Variants in PCDH9 observed in about 807,000 individuals in gnomAD.
The protein encoded by PCDH9 is protocadherin 9, also known as protocadherin-9.
In PCDH9, 24 loss-of-function variants were observed where a neutral mutation model predicts 70.6. The ratio of observed to expected loss-of-function variants is 0.34; its 90% confidence interval spans 0.25 to 0.48. The LOEUF (loss-of-function observed/expected upper bound fraction) is 0.48, where lower values mean the gene tolerates loss of function less well. PCDH9 is among the 20% of genes least tolerant of loss of function. The probability of loss-of-function intolerance (pLI) is 0.99; values close to 1 mark genes in which losing one functional copy is unlikely to be tolerated. For synonymous variants in PCDH9, 562 were observed against 558.5 expected (o/e 1.01, Z -0.09); for missense variants, 1,281 against 1,503.6 (o/e 0.85, Z 2.45).
chr13:66,308,527 A>AT (rs1955508289), intron 4 of PCDH9, among the ~76,000 whole-genome samples: 1 of 152,052 alleles, frequency 6.6e-6, no homozygotes, highest in South Asian at 2.1e-4. Flanking sequence ...GAAAGGCAGA[A>AT]TTTTTTTGTT....
chr13:66,634,003 A>G (rs1248814249), intron 3 of PCDH9, among the ~76,000 whole-genome samples: 5 of 152,226 alleles, frequency 3.3e-5, no homozygotes, highest in Admixed American at 6.5e-5. Context: ...TTCCAAAACT[A>G]TTTCAAATAT....
At chr13:66,858,543 G>C (rs1385320152) in intron 3 of PCDH9, among the ~76,000 whole-genome samples, 1 of 152,048 alleles carries the variant, frequency 6.6e-6, no homozygotes, top group Non-Finnish European at 1.5e-5. Context: ...CCTCTGTGTA[G>C]AATTTCCTAG....
intron 3 of PCDH9, among the ~76,000 whole-genome samples, chr13:66,829,796 G>C (rs2080894538): frequency 6.7e-6 from 1 of 148,512 alleles, no homozygotes; most frequent in African/African-American, 2.5e-5. Context: ...GAAATCTGGG[G>C]TTCTATAATT....
chr13:66,328,041 T>C (rs1256917120), intron 4 of PCDH9, among the ~76,000 whole-genome samples: 1 of 152,182 alleles, frequency 6.6e-6, no homozygotes, highest in East Asian at 1.9e-4. Flanking sequence ...AAAATATCAC[T>C]AACCTTTCAA....
chr13:67,193,024 C>T (rs936260045), intron 2 of PCDH9, among the ~76,000 whole-genome samples: 6 of 152,036 alleles, frequency 3.9e-5, no homozygotes, highest in African/African-American at 1.2e-4. Context: ...CTTTTGTAAA[C>T]TCTAAAAAGA....
intron 2 of PCDH9, among the ~76,000 whole-genome samples, chr13:66,995,952 T>G (rs1035387128): frequency 6.6e-6 from 1 of 152,232 alleles, no homozygotes; most frequent in South Asian, 2.1e-4. Context: ...AATTATTGTA[T>G]TAACTTCATT....
At chr13:67,068,196 C>T (rs997256709) in intron 2 of PCDH9, among the ~76,000 whole-genome samples, 3 of 151,680 alleles carry the variant, frequency 2.0e-5, no homozygotes, top group African/African-American at 7.3e-5. Flanking sequence ...TAAAATATCT[C>T]AGTGTTAGGT....
chr13:67,209,383 G>A (rs2089424029), intron 2 of PCDH9: 2 of 152,080 alleles, frequency 1.3e-5, no homozygotes. Flanking sequence ...TGCTTAATAT[G>A]ATTAAAAAGT....
At chr13:66,952,431 G>A (rs58220862) in intron 2 of PCDH9, among the ~76,000 whole-genome samples, 3,791 of 152,052 alleles carry the variant, frequency 0.025, 151 homozygotes, top group African/African-American at 0.086. Flanking sequence ...GCATATCATC[G>A]GTGCTCTAGA....
chr13:66,454,074 C>T (rs530830301), intron 4 of PCDH9, among the ~76,000 whole-genome samples: 1 of 151,914 alleles, frequency 6.6e-6, no homozygotes, highest in East Asian at 1.9e-4. Context: ...TTATAAGAAT[C>T]ATCACATAGT....
At chr13:66,456,339 A>C (rs1054133955) in intron 4 of PCDH9, among the ~76,000 whole-genome samples, 29 of 152,094 alleles carry the variant, frequency 1.9e-4, no homozygotes, top group African/African-American at 6.0e-4. Flanking sequence ...ATAGCTCACT[A>C]TAACCTCGAA....
At chr13:66,688,189 C>A (rs538082939) in intron 3 of PCDH9, among the ~76,000 whole-genome samples, 3 of 152,240 alleles carry the variant, frequency 2.0e-5, no homozygotes, top group Non-Finnish European at 4.4e-5. Context: ...TCCCTTTATA[C>A]TATTGACTCA....
At chr13:66,659,278 A>G (rs983956091) in intron 3 of PCDH9, among the ~76,000 whole-genome samples, 4 of 152,206 alleles carry the variant, frequency 2.6e-5, no homozygotes, top group Non-Finnish European at 5.9e-5. Context: ...TAGCCTTAGA[A>G]CAGTGCTCAA....
At chr13:66,396,740 T>C (rs1957108377) in intron 4 of PCDH9, among the ~76,000 whole-genome samples, 1 of 152,164 alleles carries the variant, frequency 6.6e-6, no homozygotes, top group Admixed American at 6.5e-5. Context: ...ATTCATATGA[T>C]GGTTGTAAGT....
intron 2 of PCDH9, chr13:66,915,107 C>T (rs1378571019): frequency 6.6e-6 from 1 of 151,268 alleles, no homozygotes; most frequent in Non-Finnish European, 1.5e-5. Context: ...CATGATTAAA[C>T]AATATATAGA....
chr13:66,517,146 T>C (rs529264381), intron 4 of PCDH9, among the ~76,000 whole-genome samples: 10 of 152,270 alleles, frequency 6.6e-5, no homozygotes, highest in African/African-American at 2.4e-4. Flanking sequence ...CTTTAATTTA[T>C]ATAAAGTTGC....
At chr13:67,166,744 G>T (rs762092065) in intron 2 of PCDH9, among the ~76,000 whole-genome samples, 1 of 152,086 alleles carries the variant, frequency 6.6e-6, no homozygotes, top group African/African-American at 2.4e-5. Flanking sequence ...ATAGCAAAAC[G>T]TATAATGTTG....
At chr13:66,498,147 TA>T (rs1327221593) in intron 4 of PCDH9, among the ~76,000 whole-genome samples, 51 of 147,724 alleles carry the variant, frequency 3.5e-4, no homozygotes, top group African/African-American at 6.9e-4. Flanking sequence ...TATTTATTAT[TA>T]TTATTTTTTT....
chr13:66,426,803 T>C (rs1034153843), intron 4 of PCDH9, among the ~76,000 whole-genome samples: 4 of 151,622 alleles, frequency 2.6e-5, no homozygotes, highest in Admixed American at 2.0e-4. Flanking sequence ...TTACAATAGA[T>C]ATAGATATTT....
Sources: gnomAD v4.1 joint callset for allele counts (sites outside exome capture counted in the v4.1 genomes callset) on GRCh38, gnomAD v4.1.1 for gene constraint, MANE v1.5 for transcripts, NCBI Gene and HGNC (gene_info 2026-07-23, HGNC 2026-07-21) for gene names.